The following LRRC56 variants were observed in gnomAD, a reference collection of about 807,000 sequenced individuals.
LRRC56 encodes leucine rich repeat containing 56, also known as leucine-rich repeat-containing protein 56.
LRRC56 carries 41 observed loss-of-function variants against 47.8 expected under a neutral mutation model. The ratio of observed to expected loss-of-function variants is 0.86; its 90% CI spans 0.67 to 1.11. The LOEUF is 1.11. LRRC56 is among the 50% of genes most tolerant of loss of function. LRRC56 has a pLI of 0.00. For missense variants in LRRC56, 759 were observed against 704.2 expected (o/e 1.08, Z -0.88); for synonymous variants, 387 against 311.2 (o/e 1.24, Z -2.56).
chr11:553,214 G>T (rs950060621), intron 13 of LRRC56, among the ~76,000 whole-genome samples: 1 of 152,210 alleles, frequency 6.6e-6, no homozygotes, highest in African/African-American at 2.4e-5. Flanking sequence ...CTTTACGAAG[G>T]ACACTGACTT....
At chr11:516,214 C>T in the LRRC56 span, among the ~76,000 whole-genome samples, 8 of 151,750 alleles carry the variant, frequency 5.3e-5, no homozygotes, top group Non-Finnish European at 1.0e-4. Flanking sequence ...GCCAACATGG[C>T]GAAACCCGTC....
chr11:544,292 A>G (rs1472995367), intron 5 of LRRC56, among the ~76,000 whole-genome samples: 1 of 152,016 alleles, frequency 6.6e-6, no homozygotes, highest in Non-Finnish European at 1.5e-5. Flanking sequence ...CCAAGGGAGC[A>G]CCACCCAGCC....
chr11:519,179 C>T, the LRRC56 span, among the ~76,000 whole-genome samples: 5 of 152,256 alleles, frequency 3.3e-5, no homozygotes, highest in South Asian at 4.1e-4. Flanking sequence ...GAAAATCACC[C>T]GCAGTTCACC....
chr11:523,472 A>G, the LRRC56 span, among the ~76,000 whole-genome samples: 3 of 151,232 alleles, frequency 2.0e-5, no homozygotes, highest in African/African-American at 4.9e-5. Context: ...GTCTACTACA[A>G]ATACAAAAAT....
upstream of LRRC56, chr11:534,224 G>A (rs756934316): frequency 1.2e-6 from 2 of 1,612,328 alleles, no homozygotes; most frequent in East Asian, 4.5e-5. Context: ...CTATAGTGGG[G>A]TCGTATTCGT....
rs761208820 is a variant in LRRC56, at chr11:551,653, T to G, written c.799T>G (p.Cys267Gly). Residue 267 changes from cysteine (C) to glycine (G), a missense_variant and splice_region_variant, in exon 10 of 14, where the codon TGT becomes GGT. Transcript: ENST00000270115. ...CTCTGCTTCTGAACCTCGGGCAGAC[T>G]GTCCCCGTGGAGCCCCCATCCGGAG... ...KKGNGLPPLDCPRGAPIRRLD... is the reference protein window; with the variant it reads ...KKGNGLPPLDGPRGAPIRRLD... The G allele has an allele frequency of 6.4e-7, 1 of 1,559,952 alleles. No individual in the cohort carries two copies. The highest frequency in any genetic ancestry group is 2.3e-5 in the East Asian group (1 of 44,366).
chr11:522,074 A>C, the LRRC56 span, among the ~76,000 whole-genome samples: 2 of 152,174 alleles, frequency 1.3e-5, no homozygotes, highest in Non-Finnish European at 2.9e-5. Flanking sequence ...CAAATGGTCC[A>C]AGCATATTAA....
upstream of LRRC56, chr11:533,406 G>T: frequency 6.2e-7 from 1 of 1,608,174 alleles, no homozygotes; most frequent in South Asian, 1.1e-5. Flanking sequence ...GGCTGGGGCG[G>T]GGCGGGGCGG....
At position 551,229 on chromosome 11, in the gene LRRC56, C is replaced by A. The variant is rs201646765; in HGVS notation, c.723C>A (p.Ala241=). ...EVPAAHTGPP[A]PPRLSQDWLA... is the part of the protein sequence containing the mutation. Reference sequence around the variant, plus strand: ...CGGCCGCACACACAGGCCCACCGGCCCCCCCGCGGCTGAGCCAGGACTGGC... The same window carrying A: ...CGGCCGCACACACAGGCCCACCGGCACCCCCGCGGCTGAGCCAGGACTGGC... The change falls in exon 9 of 14, where the codon GCC becomes GCA. Residue 241 remains alanine (A), a synonymous_variant. Coordinates refer to ENST00000270115, the MANE Select transcript of LRRC56 (RefSeq NM_198075.4). The A allele has an allele frequency of 9.2e-4, 1,421 of 1,547,056 alleles. 9 individuals are homozygous for A. The Middle Eastern group carries it at 0.016, about 17-fold the overall frequency.
chr11:516,026 C>A, the LRRC56 span, among the ~76,000 whole-genome samples: 1 of 152,150 alleles, frequency 6.6e-6, no homozygotes, highest in Non-Finnish European at 1.5e-5. Context: ...TACTCTCGAT[C>A]CTCTATTCTG....
chr11:533,468 C>G (rs747008553), upstream of LRRC56: 1 of 1,613,392 alleles, frequency 6.2e-7, no homozygotes, highest in Non-Finnish European at 8.5e-7. Context: ...GGGTCTTGGC[C>G]GAGGTCTCGA....
chr11:548,710 G>A (rs1031615451), intron 6 of LRRC56, among the ~76,000 whole-genome samples: 2 of 151,878 alleles, frequency 1.3e-5, no homozygotes, highest in African/African-American at 4.8e-5. Context: ...TGCCTGCCTC[G>A]GCCTCCCAAA....
chr11:542,888 G>A (rs889296481), intron 5 of LRRC56, among the ~76,000 whole-genome samples: 10 of 151,896 alleles, frequency 6.6e-5, no homozygotes, highest in African/African-American at 2.2e-4. Context: ...GTCACCAGCT[G>A]TCCCAACAGT....
the LRRC56 span, among the ~76,000 whole-genome samples, chr11:516,475 T>C: frequency 1.3e-5 from 2 of 151,958 alleles, no homozygotes; most frequent in African/African-American, 4.8e-5. Flanking sequence ...GTTTTGATGA[T>C]TGTAGGCCCA....
the LRRC56 span, among the ~76,000 whole-genome samples, chr11:515,297 G>C: frequency 6.6e-6 from 1 of 152,174 alleles, no homozygotes; most frequent in East Asian, 1.9e-4. Context: ...GCTTGTCATA[G>C]ATGCTGCAGA....
At chr11:533,857 T>G (rs771774973), upstream of LRRC56, 1 of 1,613,368 alleles carries the variant, frequency 6.2e-7, no homozygotes, top group Non-Finnish European at 8.5e-7. Context: ...TGGTCCCGCA[T>G]GGCGCTGTAC....
At position 551,670 on chromosome 11, in the gene LRRC56, C is replaced by G. The variant is rs111480455; in HGVS notation, c.816C>G (p.Pro272=). The change falls in exon 10 of 14, where the codon CCC becomes CCG. Residue 272 remains proline, a synonymous_variant. Coordinates refer to ENST00000270115, the MANE Select transcript of LRRC56 (RefSeq NM_198075.4). ...LPPLDCPRGA[P]IRRLDPELSL... ...GGGCAGACTGTCCCCGTGGAGCCCC[C>G]ATCCGGAGACTTGACCCCGAGCTGT... is the stretch of plus-strand genomic sequence containing the variant. The G allele has an allele frequency of 6.9e-6, 11 of 1,585,812 alleles. No homozygotes were observed. The African/African-American group carries it at 1.2e-4, about 18-fold the overall frequency.
chr11:518,271 TC>T, the LRRC56 span, among the ~76,000 whole-genome samples: 1 of 152,014 alleles, frequency 6.6e-6, no homozygotes, highest in South Asian at 2.1e-4. Context: ...AAGCTCCGCC[TC>T]CCGGGTTCAC....
intron 6 of LRRC56, among the ~76,000 whole-genome samples, chr11:548,081 G>A (rs1427548435): frequency 2.6e-4 from 40 of 152,000 alleles, no homozygotes; most frequent in African/African-American, 8.2e-4. Context: ...AGCCAAGATC[G>A]TGCCACTGCA....
Sources: gnomAD v4.1 joint callset for allele counts (sites outside exome capture counted in the v4.1 genomes callset) on GRCh38, gnomAD v4.1.1 for gene constraint, MANE v1.5 for transcripts, NCBI Gene and HGNC (gene_info 2026-07-23, HGNC 2026-07-21) for gene names.